Variants in SH2D3C observed in about 807,000 individuals in gnomAD.
SH2D3C encodes SH2 domain-containing protein 3C.
Under a neutral mutation model 75.2 loss-of-function variants are expected in SH2D3C, and 25 were observed. That is an observed-to-expected ratio of 0.33 (90% CI 0.24 to 0.46). The LOEUF (loss-of-function observed/expected upper bound fraction) is 0.46, where lower values mean the gene tolerates loss of function less well. Ranked by LOEUF, SH2D3C falls within the 20% of genes least tolerant of loss-of-function variation. SH2D3C has a pLI of 1.00. For synonymous variants in SH2D3C, 450 were observed against 473.7 expected (o/e 0.95, Z 0.65); for missense variants, 933 against 1,165.3 (o/e 0.80, Z 2.90).
In SH2D3C at chr9:127,738,862, G is replaced by A; in HGVS notation, c.2467C>T (p.Leu823Phe). 6.2e-7 allele frequency: 1 copy of A among 1,600,516 alleles called. No individual in the cohort carries two copies. ...VFSTEFQMRLLWGSQGASSSQ... is the reference protein window; with the variant it reads ...VFSTEFQMRLFWGSQGASSSQ... ...CTGCTGGCACCCTGACTGCCCCAGA[G>A]AAGGCGCATCTGGAACTCCGTGCTG... Residue 823 changes from leucine (L) to phenylalanine (F), a missense_variant, in exon 12 of 12, where the codon CTC becomes TTC. By Grantham distance (22) the Leu-to-Phe change is conservative (BLOSUM62 0). Transcript: ENST00000314830. This position sits in a 1 kb window ranked among gnomAD's most constrained non-coding sequence, Gnocchi z 5.0.
intron 3 of SH2D3C, among the ~76,000 whole-genome samples, chr9:127,759,760 G>A (rs1845481333): frequency 6.6e-6 from 1 of 151,992 alleles, no homozygotes; most frequent in South Asian, 2.1e-4. Context: ...AAGGCAGGCG[G>A]ATCACGAAGT....
In SH2D3C at chr9:127,738,998, T is replaced by A. The variant is rs570177210; in HGVS notation, c.2408-77A>T. ...GCCCTAGCATTCTTCAGGACCCCCC[T>A]GTTAGGGACCTCCCCTCAACTCCGC... On this transcript the variant is annotated intron_variant, in intron 11 of 11. Coordinates refer to ENST00000314830, the MANE Select transcript of SH2D3C (RefSeq NM_170600.3). The surrounding 1 kb of genome is among the most constrained non-coding windows in gnomAD (Gnocchi z 5.0). The A allele has an allele frequency of 7.9e-5, 106 of 1,350,310 alleles. No homozygotes were observed. The African/African-American group carries it at 1.4e-3, about 17-fold the overall frequency. The allele number at this position is 1,350,310 out of a possible 1,614,324, so 83.6% of individuals were successfully genotyped here.
Position 127,742,968 on chromosome 9 carries a change from C to T in SH2D3C, c.1801-4G>A. ...TAACGCCCAGTATCCTAGCAACCTG[C>T]AAAGACGCCCAGAGGGCTGATTAAT... is the stretch of plus-strand genomic sequence containing the variant. On this transcript the variant is annotated splice_polypyrimidine_tract_variant and splice_region_variant and intron_variant, in intron 7 of 11. Transcript: ENST00000314830. 1 of 1,607,926 alleles carries T rather than the reference C, an allele frequency of 6.2e-7. No homozygotes were observed. Among genetic ancestry groups the T allele is most frequent in the Non-Finnish European group, 8.5e-7 (1 of 1,174,846 alleles).
intron 3 of SH2D3C, among the ~76,000 whole-genome samples, chr9:127,758,126 C>A (rs750691794): frequency 6.6e-6 from 1 of 151,924 alleles, no homozygotes; most frequent in Non-Finnish European, 1.5e-5. Flanking sequence ...CCGCACCCAG[C>A]CTTCCCAGCT....
In SH2D3C at chr9:127,741,774, G is replaced by A. The variant is rs764683740; in HGVS notation, c.2088+14C>T. 1.2e-5 allele frequency: 19 copies of A among 1,611,766 alleles called. No individual in the cohort carries two copies. Among genetic ancestry groups the A allele is most frequent in the Admixed American group, 1.7e-5 (1 of 59,928 alleles). ...ACAGTCTACCGGGTGCCAGCTCTGCGCGGCTCTCAGTACCTGGGCCATGTC... is the reference window on the plus strand; with the variant it reads ...ACAGTCTACCGGGTGCCAGCTCTGCACGGCTCTCAGTACCTGGGCCATGTC... On this transcript the variant is annotated intron_variant, in intron 9 of 11. Transcript: ENST00000314830.
chr9:127,745,111 T>TAG lies in SH2D3C; in HGVS notation c.1265-14_1265-13dup, dbSNP rs760156196. ...ATGGACACGGGTTACTGCAGAAAGG[T>TAG]AGAGAGAGAGGCCCCGTTATAGCAG... On this transcript the variant is annotated splice_polypyrimidine_tract_variant and intron_variant, in intron 6 of 11. Coordinates refer to ENST00000314830, the MANE Select transcript of SH2D3C (RefSeq NM_170600.3). 1 of 1,486,280 alleles carries TAG rather than the reference T, an allele frequency of 6.7e-7. No individual in the cohort carries two copies. The allele number at this position is 1,486,280 out of a possible 1,614,324, so 92.1% of individuals were successfully genotyped here.
intron 2 of SH2D3C, among the ~76,000 whole-genome samples, chr9:127,768,098 G>A (rs142409392): frequency 6.6e-6 from 1 of 152,306 alleles, no homozygotes; most frequent in East Asian, 1.9e-4. Flanking sequence ...GGGAGCAGCT[G>A]GGCCCCTTCG....
rs1354596639 is a variant in SH2D3C at position 127,741,841 on chromosome 9, T to C, written c.2035A>G (p.Met679Val). ...IQLAAELRGTMGNMFSFAAVM... is the reference protein window; with the variant it reads ...IQLAAELRGTVGNMFSFAAVM... Reference sequence around the variant, plus strand: ...GCCGCGAAGCTGAACATGTTGCCCATAGTCCCCCGCAGCTCGGCCGCCAGC... The same window carrying C: ...GCCGCGAAGCTGAACATGTTGCCCACAGTCCCCCGCAGCTCGGCCGCCAGC... The change falls in exon 9 of 12, where the codon ATG (methionine) becomes GTG (valine). Residue 679 changes from methionine to valine, a missense_variant. Coordinates refer to ENST00000314830, the MANE Select transcript of SH2D3C (RefSeq NM_170600.3). 3.1e-6 allele frequency: 5 copies of C among 1,613,370 alleles called. No individual in the cohort carries two copies. Among genetic ancestry groups the C allele is most frequent in the Non-Finnish European group, 4.2e-6 (5 of 1,180,022 alleles).
intron 4 of SH2D3C, among the ~76,000 whole-genome samples, chr9:127,750,897 G>A (rs1845183462): frequency 6.6e-6 from 1 of 152,224 alleles, no homozygotes; most frequent in African/African-American, 2.4e-5. Flanking sequence ...AACATTCATG[G>A]TGTCAAGCAT....
chr9:127,752,379 T>C (rs1410292703), intron 3 of SH2D3C, among the ~76,000 whole-genome samples: 2 of 152,004 alleles, frequency 1.3e-5, no homozygotes, highest in Non-Finnish European at 2.9e-5. Context: ...TGCGAGGACA[T>C]GGGATGGTTC....
At chr9:127,773,735 T>G (rs1202888114) in intron 2 of SH2D3C, among the ~76,000 whole-genome samples, 1 of 151,628 alleles carries the variant, frequency 6.6e-6, no homozygotes, top group Non-Finnish European at 1.5e-5. Context: ...CTGGACAACA[T>G]GGTGAAATCC....
At chr9:127,743,686 TGTTTC>T (rs1844934478) in intron 7 of SH2D3C, among the ~76,000 whole-genome samples, 1 of 152,192 alleles carries the variant, frequency 6.6e-6, no homozygotes, top group African/African-American at 2.4e-5. Flanking sequence ...ATCTTTGCCT[TGTTTC>T]TTTTCTTGCT....
chr9:127,749,549 G>T lies in SH2D3C; in HGVS notation c.801C>A (p.Ile267=). The T allele has an allele frequency of 1.9e-6, 3 of 1,613,562 alleles. No individual in the cohort carries two copies. The highest frequency in any genetic ancestry group is 2.5e-6 in the Non-Finnish European group (3 of 1,179,722). ...CGCCTGCCTTCACCACCACCTTGTTGATCTTGAAGTGCAAGGCCTGGTTGC... is the reference window on the plus strand; with the variant it reads ...CGCCTGCCTTCACCACCACCTTGTTTATCTTGAAGTGCAAGGCCTGGTTGC... ...RWRNQALHFK[I]NKVVVKAGES... Residue 267 remains isoleucine, a synonymous_variant, in exon 5 of 12, where the codon ATC becomes ATA. Coordinates refer to ENST00000314830, the MANE Select transcript of SH2D3C (RefSeq NM_170600.3). This position sits in a 1 kb window ranked among gnomAD's most constrained non-coding sequence, Gnocchi z 5.9.
chr9:127,759,982 C>CA (rs562011072), intron 3 of SH2D3C, among the ~76,000 whole-genome samples: 176 of 111,730 alleles, frequency 1.6e-3, no homozygotes, highest in South Asian at 3.5e-3. Flanking sequence ...GACTCCGTCT[C>CA]AAAAAAAAAA....
At chr9:127,765,139 G>A (rs1845609348) in intron 2 of SH2D3C, among the ~76,000 whole-genome samples, 1 of 152,000 alleles carries the variant, frequency 6.6e-6, no homozygotes, top group South Asian at 2.1e-4. Context: ...CTCCCAAAGT[G>A]CTGGGATTAC....
chr9:127,751,342 T>C lies in SH2D3C; in HGVS notation c.556-42A>G, dbSNP rs1403714638. On this transcript the variant is annotated intron_variant, in intron 3 of 11. Transcript: ENST00000314830. The surrounding 1 kb of genome is among the most constrained non-coding windows in gnomAD (Gnocchi z 4.1). ...AAGAGTTGGCATCCAACTTAAAGTC[T>C]CCTTCTTCTTTCCCTCCCAACTTCA... The C allele has an allele frequency of 6.2e-7, 1 of 1,601,460 alleles. No individual in the cohort carries two copies. Among genetic ancestry groups the C allele is most frequent in the Non-Finnish European group, 8.5e-7 (1 of 1,171,492 alleles).
chr9:127,746,641 A>G (rs1478907293), intron 6 of SH2D3C, among the ~76,000 whole-genome samples: 1 of 152,174 alleles, frequency 6.6e-6, no homozygotes, highest in Non-Finnish European at 1.5e-5. Context: ...CATCTCTACT[A>G]AAAATACAAA....
chr9:127,764,862 C>A (rs1845604132), intron 2 of SH2D3C, among the ~76,000 whole-genome samples: 6 of 152,112 alleles, frequency 3.9e-5, no homozygotes, highest in Admixed American at 3.3e-4. Context: ...TGACCACCAC[C>A]ACGCCGGGCT....
chr9:127,755,025 G>A (rs1845330208), intron 3 of SH2D3C: 7 of 892,110 alleles, frequency 7.8e-6, no homozygotes, highest in Non-Finnish European at 1.0e-5. Flanking sequence ...CCCGGGCGGA[G>A]CGGCCGGGGG....
Sources: allele counts gnomAD v4.1 joint callset (sites outside exome capture counted in the v4.1 genomes callset), GRCh38; gene constraint gnomAD v4.1.1; non-coding constraint Gnocchi (gnomAD v3.1); transcripts MANE v1.5; gene names NCBI Gene and HGNC (gene_info 2026-07-23, HGNC 2026-07-21).